TNS3: variants seen among roughly 807,000 people sequenced by gnomAD.
TNS3 encodes the protein tensin 3, also known as tensin-3.
In TNS3, 45 loss-of-function variants were observed where a neutral mutation model predicts 140.9. The ratio of observed to expected loss-of-function variants is 0.32; its 90% confidence interval spans 0.25 to 0.41. The LOEUF (loss-of-function observed/expected upper bound fraction) is 0.41. Among genes scored for constraint, TNS3 ranks in the 10% least tolerant of loss-of-function variants. TNS3 has a pLI of 1.00. For missense variants in TNS3, 1,716 were observed against 1,906.7 expected, an observed-to-expected ratio of 0.90 and a Z score of 1.86; for synonymous variants, 815 against 788.4, an observed-to-expected ratio of 1.03 and a Z score of -0.56.
chr7:47,514,743 C>T (rs946671909), intron 2 of TNS3, among the ~76,000 whole-genome samples: 36 of 152,138 alleles, frequency 2.4e-4, no homozygotes, highest in African/African-American at 8.2e-4. Context: ...AAATGGGGAG[C>T]ATTTATGCGT....
chr7:47,505,854 T>C (rs1798397758), intron 3 of TNS3, among the ~76,000 whole-genome samples: 1 of 152,196 alleles, frequency 6.6e-6, no homozygotes, highest in Admixed American at 6.5e-5. Context: ...TATTTACTCA[T>C]GTGTGTGTTT....
chr7:47,366,255 T>C (rs1325007289), intron 17 of TNS3, among the ~76,000 whole-genome samples: 1 of 152,154 alleles, frequency 6.6e-6, no homozygotes, highest in East Asian at 1.9e-4. Context: ...TACCCTGCTG[T>C]GGTGTTGTGG....
chr7:47,365,766 AT>A (rs1346569058), intron 17 of TNS3, among the ~76,000 whole-genome samples: 1 of 152,192 alleles, frequency 6.6e-6, no homozygotes, highest in African/African-American at 2.4e-5. Context: ...TCTCAAAAAA[AT>A]AAATAAAAAA....
intron 1 of TNS3, among the ~76,000 whole-genome samples, chr7:47,547,241 G>A (rs1799946787): frequency 6.6e-6 from 1 of 152,182 alleles, no homozygotes; most frequent in African/African-American, 2.4e-5. Flanking sequence ...GGAGCAAAGG[G>A]TGGGAGTGGG....
chr7:47,434,032 A>C (rs1795054841), intron 8 of TNS3, among the ~76,000 whole-genome samples: 2 of 152,002 alleles, frequency 1.3e-5, no homozygotes, highest in Non-Finnish European at 2.9e-5. Flanking sequence ...GTACCTGTCC[A>C]TTTGGGGGGA....
rs1231907181 is a variant in TNS3 at position 47,415,630 on chromosome 7, A to AC, written c.474-425dup. Among the ~76,000 whole-genome samples, 12 of 152,372 alleles carry AC rather than the reference A, an allele frequency of 7.9e-5. No homozygotes were observed. The East Asian group carries it at 2.3e-3, about 29-fold the overall frequency. ...CAGGGTCACATGACCCAGGCCCAGA[A>AC]CCACTCACTGCACCTGCTGCTTTCT... On this transcript the variant is annotated intron_variant, in intron 10 of 30. Transcript: ENST00000311160.
intron 1 of TNS3, among the ~76,000 whole-genome samples, chr7:47,567,501 G>T (rs1208099936): frequency 6.6e-6 from 1 of 152,006 alleles, no homozygotes; most frequent in Admixed American, 6.6e-5. Context: ...TGGCTAACAC[G>T]GTGAAACCCC....
rs1798689624 is a variant in TNS3, at chr7:47,513,831, C to T, written c.-152-6887G>A. On this transcript the variant is annotated intron_variant, in intron 2 of 30. Transcript: ENST00000311160. ...GGCTTTGCCTGAACACTCGGCTCCA[C>T]AGCTGACAGTCTGCAAACCACACAT... 2.0e-5 allele frequency among the ~76,000 whole-genome samples: 3 copies of T among 152,232 alleles called. No individual in the cohort carries two copies. In the South Asian group the frequency reaches 6.2e-4, roughly 32 times the overall value.
intron 17 of TNS3, among the ~76,000 whole-genome samples, chr7:47,358,790 C>T (rs149217036): frequency 6.6e-6 from 1 of 152,288 alleles, no homozygotes; most frequent in Non-Finnish European, 1.5e-5. Context: ...CGTAACTGCT[C>T]CACCCTGACA....
intron 4 of TNS3, among the ~76,000 whole-genome samples, chr7:47,468,577 A>G (rs1796818445): frequency 6.6e-6 from 1 of 152,240 alleles, no homozygotes; most frequent in Admixed American, 6.5e-5. Flanking sequence ...TACTGCTGAA[A>G]GAAATCAGAG....
chr7:47,572,656 G>C (rs540682823), intron 1 of TNS3, among the ~76,000 whole-genome samples: 3 of 152,100 alleles, frequency 2.0e-5, no homozygotes, highest in Admixed American at 6.5e-5. Context: ...CGGGCAGATC[G>C]CCTGAGGTCA....
intron 20 of TNS3, among the ~76,000 whole-genome samples, chr7:47,309,111 G>A (rs1342325687): frequency 6.6e-6 from 1 of 152,186 alleles, no homozygotes; most frequent in Non-Finnish European, 1.5e-5. Flanking sequence ...CACCATGTTT[G>A]TTTCTTACTT....
intron 20 of TNS3, among the ~76,000 whole-genome samples, chr7:47,319,702 G>C (rs919774443): frequency 2.6e-5 from 4 of 152,186 alleles, no homozygotes; most frequent in Non-Finnish European, 4.4e-5. Context: ...GACCTGAATA[G>C]AATCAAAGAC....
chr7:47,384,958 A>C (rs963953395), intron 16 of TNS3, among the ~76,000 whole-genome samples: 4 of 152,150 alleles, frequency 2.6e-5, no homozygotes, highest in African/African-American at 9.7e-5. Context: ...CTCACCCAAC[A>C]ACCACCTGTT....
intron 20 of TNS3, among the ~76,000 whole-genome samples, chr7:47,308,714 G>C (rs1786900773): frequency 6.6e-6 from 1 of 152,114 alleles, no homozygotes; most frequent in Non-Finnish European, 1.5e-5. Flanking sequence ...CCACTACTGG[G>C]CAAAACCCTT....
upstream of TNS3, chr7:47,582,533 T>C (rs770113791): frequency 4.4e-6 from 2 of 455,688 alleles, no homozygotes; most frequent in East Asian, 7.0e-5. Context: ...CTCCCTCCTG[T>C]AGCTCATAGC....
intron 1 of TNS3, among the ~76,000 whole-genome samples, chr7:47,529,794 C>T (rs1312987436): frequency 6.6e-6 from 1 of 152,198 alleles, no homozygotes; most frequent in African/African-American, 2.4e-5. Flanking sequence ...TATATGATAA[C>T]CTTATAAGAA....
chr7:47,565,962 T>C (rs754763417), intron 1 of TNS3, among the ~76,000 whole-genome samples: 11 of 152,224 alleles, frequency 7.2e-5, no homozygotes, highest in Non-Finnish European at 1.5e-4. Flanking sequence ...CGTGGATTAC[T>C]GCAAAGCCAC....
rs6971613 is a variant in TNS3 at position 47,287,208 on chromosome 7, G to A, written c.3929-3343C>T. ...GAAAAGAAGTAAGTCTTTCTTTTCA[G>A]GATTATATTATATTCCTCTGCTTCA... On this transcript the variant is annotated intron_variant, in intron 27 of 30. Coordinates refer to ENST00000311160, the MANE Select transcript of TNS3 (RefSeq NM_022748.12). Among the ~76,000 whole-genome samples, 1,215 of 152,158 alleles carry A rather than the reference G, an allele frequency of 8.0e-3. 11 individuals are homozygous for A. Among genetic ancestry groups the A allele is most frequent in the African/African-American group, 0.026 (1,063 of 41,502 alleles).
Sources: allele counts gnomAD v4.1 joint callset (sites outside exome capture counted in the v4.1 genomes callset), GRCh38; gene constraint gnomAD v4.1.1; transcripts MANE v1.5; gene names NCBI Gene and HGNC (gene_info 2026-07-23, HGNC 2026-07-21).